Variants in LRFN2 observed in about 807,000 individuals in gnomAD.
LRFN2 encodes leucine-rich repeat and fibronectin type-III domain-containing protein 2.
A neutral mutation model predicts 37.3 loss-of-function variants in LRFN2; 18 were observed. That is an observed-to-expected ratio of 0.48 (90% CI 0.33 to 0.72). The LOEUF (loss-of-function observed/expected upper bound fraction) is 0.72, where lower values mean the gene tolerates loss of function less well. LRFN2 is among the 30% of genes least tolerant of loss of function. LRFN2 has a pLI of 0.02. For missense variants in LRFN2, 1,006 were observed against 1,060.7 expected (o/e 0.95, Z 0.72); for synonymous variants, 556 against 466.6 (o/e 1.19, Z -2.47).
intron 1 of LRFN2, among the ~76,000 whole-genome samples, chr6:40,541,961 C>G (rs1178198923): frequency 6.6e-6 from 1 of 152,272 alleles, no homozygotes; most frequent in African/African-American, 2.4e-5. Flanking sequence ...CACCCAGAGG[C>G]ACACGTGGCA....
chr6:40,458,805 A>T lies in LRFN2; in HGVS notation c.-18-25674T>A, dbSNP rs369572701. On this transcript the variant is annotated intron_variant, in intron 1 of 2. Coordinates refer to ENST00000338305, the MANE Select transcript of LRFN2 (RefSeq NM_020737.3). The stretch of plus-strand genomic sequence containing the variant: ...GGGTAGTTGCCAGCCACCCAGCCCC[A>T]ACAACACAGATGAGCCCAGCACCCA... Among the ~76,000 whole-genome samples, 22 of 152,306 alleles carry T rather than the reference A, an allele frequency of 1.4e-4. No individual in the cohort carries two copies. The East Asian group carries it at 2.9e-3, about 20-fold the overall frequency.
intron 1 of LRFN2, among the ~76,000 whole-genome samples, chr6:40,568,465 G>A (rs1047479635): frequency 6.6e-6 from 1 of 152,074 alleles, no homozygotes; most frequent in East Asian, 1.9e-4. Flanking sequence ...ACATGGGTGA[G>A]GGGCAAAAAA....
chr6:40,440,928 A>G (rs1017602896), intron 1 of LRFN2, among the ~76,000 whole-genome samples: 4 of 152,170 alleles, frequency 2.6e-5, no homozygotes, highest in Non-Finnish European at 5.9e-5. Context: ...TCACTGTTCC[A>G]TTTCTGGGGA....
intron 1 of LRFN2, among the ~76,000 whole-genome samples, chr6:40,434,454 C>G (rs966676581): frequency 6.6e-6 from 1 of 151,856 alleles, no homozygotes; most frequent in African/African-American, 2.4e-5. Flanking sequence ...TTATGCAGAC[C>G]AGCATTTCTC....
intron 2 of LRFN2, among the ~76,000 whole-genome samples, chr6:40,404,082 C>T (rs1017990277): frequency 1.2e-4 from 19 of 152,288 alleles, no homozygotes; most frequent in African/African-American, 4.6e-4. Flanking sequence ...TCCAATATCA[C>T]GTTCTCAGCG....
At chr6:40,529,699 T>C (rs1766313741) in intron 1 of LRFN2, among the ~76,000 whole-genome samples, 1 of 152,200 alleles carries the variant, frequency 6.6e-6, no homozygotes, top group African/African-American at 2.4e-5. Context: ...CCCAGCTCTG[T>C]TGCTTATTAG....
At position 40,432,129 on chromosome 6, in the gene LRFN2, G is replaced by T. The variant is rs755518632; in HGVS notation, c.985C>A (p.Leu329Met). ...GCGGTCCTTGAGGAGTTCCCTACCA[G>T]GCGGTCATCGGGGGCTACCCAGTGG... is the stretch of plus-strand genomic sequence containing the variant. The part of the protein sequence containing the change: ...LIHWVAPDDR[L>M]VGNSSRTAVY... The change falls in exon 2 of 3, where the codon CTG (leucine) becomes ATG (methionine). Residue 329 changes from leucine (L) to methionine (M), a missense_variant. Transcript: ENST00000338305. The T allele has an allele frequency of 2.5e-6, 4 of 1,613,756 alleles. No individual in the cohort carries two copies. The highest frequency in any genetic ancestry group is 3.4e-6 in the Non-Finnish European group (4 of 1,179,978).
intron 1 of LRFN2, among the ~76,000 whole-genome samples, chr6:40,564,942 G>A (rs186090773): frequency 7.0e-4 from 107 of 152,176 alleles, no homozygotes; most frequent in African/African-American, 2.5e-3. Context: ...CTGTGTAATG[G>A]AGTCAGACTG....
chr6:40,395,655 C>A (rs9357324), intron 2 of LRFN2, among the ~76,000 whole-genome samples: 130,708 of 151,984 alleles, frequency 0.86, 56,434 homozygotes, highest in Middle Eastern at 0.94. Context: ...GGTAACTGTG[C>A]GCCATGCTCT....
At chr6:40,430,834 GACTC>G (rs964522501) in intron 2 of LRFN2, among the ~76,000 whole-genome samples, 2 of 152,158 alleles carry the variant, frequency 1.3e-5, no homozygotes, top group Admixed American at 6.5e-5. Context: ...GATGTGGTCT[GACTC>G]AGTCAGCGCT....
At chr6:40,535,273 A>G (rs982664419) in intron 1 of LRFN2, among the ~76,000 whole-genome samples, 13 of 152,148 alleles carry the variant, frequency 8.5e-5, no homozygotes, top group Non-Finnish European at 1.6e-4. Flanking sequence ...CATTCTGAGC[A>G]TTTACAACCA....
chr6:40,526,459 C>A (rs113528722), intron 1 of LRFN2, among the ~76,000 whole-genome samples: 1 of 152,198 alleles, frequency 6.6e-6, no homozygotes, highest in African/African-American at 2.4e-5. Context: ...CCCAGGAAGG[C>A]GTGACCTTAC....
intron 1 of LRFN2, among the ~76,000 whole-genome samples, chr6:40,565,297 T>C (rs371780640): frequency 2.3e-4 from 35 of 152,186 alleles, no homozygotes; most frequent in East Asian, 9.6e-4. Flanking sequence ...ATCGTGAAAA[T>C]GGCCATACTG....
chr6:40,497,978 A>G (rs927171183), intron 1 of LRFN2, among the ~76,000 whole-genome samples: 36 of 152,166 alleles, frequency 2.4e-4, no homozygotes, highest in African/African-American at 8.0e-4. Context: ...TTGAAGAAGG[A>G]GAGAATCACT....
intron 1 of LRFN2, among the ~76,000 whole-genome samples, chr6:40,487,304 A>C (rs546072307): frequency 6.6e-6 from 1 of 152,128 alleles, no homozygotes; most frequent in African/African-American, 2.4e-5. Context: ...CATTTATGCC[A>C]ATGAGCCCCA....
chr6:40,584,465 C>T (rs931161101), intron 1 of LRFN2, among the ~76,000 whole-genome samples: 3 of 152,142 alleles, frequency 2.0e-5, no homozygotes, highest in Non-Finnish European at 2.9e-5. Flanking sequence ...AAACTCCACC[C>T]CTACCCAAAG....
chr6:40,461,813 C>G (rs1764355445), intron 1 of LRFN2, among the ~76,000 whole-genome samples: 1 of 152,150 alleles, frequency 6.6e-6, no homozygotes, highest in African/African-American at 2.4e-5. Flanking sequence ...CAATGAGAGA[C>G]TGCACCCTCC....
chr6:40,582,953 C>T (rs974575254), intron 1 of LRFN2, among the ~76,000 whole-genome samples: 7 of 152,118 alleles, frequency 4.6e-5, no homozygotes, highest in African/African-American at 7.2e-5. Flanking sequence ...GGTCCACAGA[C>T]CACACTTGGG....
At chr6:40,440,728 G>A (rs1408880559) in intron 1 of LRFN2, among the ~76,000 whole-genome samples, 1 of 152,142 alleles carries the variant, frequency 6.6e-6, no homozygotes, top group Non-Finnish European at 1.5e-5. Flanking sequence ...TAACTCCAAG[G>A]TACATTTTAC....
Sources: gnomAD v4.1 joint callset for allele counts (sites outside exome capture counted in the v4.1 genomes callset) on GRCh38, gnomAD v4.1.1 for gene constraint, MANE v1.5 for transcripts, NCBI Gene and HGNC (gene_info 2026-07-23, HGNC 2026-07-21) for gene names.